Variants in ERBB4 observed in about 807,000 individuals in gnomAD.
The protein encoded by ERBB4 is receptor tyrosine-protein kinase erbB-4.
Under a neutral mutation model 158.0 loss-of-function variants are expected in ERBB4, and 42 were observed. The observed-to-expected ratio is 0.27, with a 90% CI of 0.21 to 0.34. The LOEUF (loss-of-function observed/expected upper bound fraction) is 0.34, where lower values mean the gene tolerates loss of function less well. Among genes scored for constraint, ERBB4 ranks in the 10% least tolerant of loss-of-function variants. ERBB4 has a pLI of 1.00. For missense variants in ERBB4, 1,333 were observed against 1,624.1 expected (o/e 0.82, Z 3.08); for synonymous variants, 583 against 558.7 (o/e 1.04, Z -0.61).
chr2:212,331,056 T>TTTTATATATATATATA lies in ERBB4; in HGVS notation c.83-206154_83-206153insTATATATATATATAAA, dbSNP rs1195085255. On this transcript the variant is annotated intron_variant, in intron 1 of 27. Coordinates refer to ENST00000342788, the MANE Select transcript of ERBB4 (RefSeq NM_005235.3). ...TCAGTAAGTTTCCCATATTTGTAAT[T>TTTTATATATATATATA]TGTATATATATATATACACATATAT... is the stretch of plus-strand genomic sequence containing the variant. Among the ~76,000 whole-genome samples the TTTTATATATATATATA allele has an allele frequency of 6.8e-3, 171 of 25,322 alleles. 2 individuals carry two copies. Among genetic ancestry groups the TTTTATATATATATATA allele is most frequent in the African/African-American group, 0.01 (163 of 15,736 alleles). 16.6% of individuals were successfully genotyped at this position (25,322 alleles called of 152,430 possible). A position where few individuals can be genotyped will look rare whatever the true frequency, so the allele number is the denominator to read the frequency against.
At chr2:212,476,087 C>T (rs1324471848) in intron 1 of ERBB4, among the ~76,000 whole-genome samples, 1 of 151,456 alleles carries the variant, frequency 6.6e-6, no homozygotes, top group Non-Finnish European at 1.5e-5. Flanking sequence ...AGTTACTTAG[C>T]CCCATAAATT....
intron 2 of ERBB4, among the ~76,000 whole-genome samples, chr2:212,096,392 G>C (rs2078934541): frequency 6.6e-6 from 1 of 152,132 alleles, no homozygotes; most frequent in Admixed American, 6.6e-5. Context: ...GATATCCTTA[G>C]AGAACTTGGT....
At position 212,077,147 on chromosome 2, in the gene ERBB4, G is replaced by T. The variant is rs147325756; in HGVS notation, c.234+47605C>A. ...TAAAATTATATATAAAACCAAGTTA[G>T]CAAAGATATGGGACAATGGGAAGAC... On this transcript the variant is annotated intron_variant, in intron 2 of 27. Transcript: ENST00000342788. Among the ~76,000 whole-genome samples, 94 of 152,076 alleles carry T rather than the reference G, an allele frequency of 6.2e-4. 1 individual carries two copies. In the East Asian group the frequency reaches 0.016, roughly 25 times the overall value.
chr2:212,115,307 A>G (rs1202153216), intron 2 of ERBB4, among the ~76,000 whole-genome samples: 1 of 152,102 alleles, frequency 6.6e-6, no homozygotes, highest in African/African-American at 2.4e-5. Context: ...GTCTCATGCA[A>G]AATTGTTCAT....
At chr2:212,186,344 C>T (rs947570529) in intron 1 of ERBB4, among the ~76,000 whole-genome samples, 1 of 152,150 alleles carries the variant, frequency 6.6e-6, no homozygotes, top group Non-Finnish European at 1.5e-5. Flanking sequence ...TGTGATTTAG[C>T]TAGTCAAGAG....
chr2:211,736,394 T>C (rs1278103523), intron 5 of ERBB4, among the ~76,000 whole-genome samples: 1 of 152,196 alleles, frequency 6.6e-6, no homozygotes. Context: ...TTTATTCCAA[T>C]GTATCTTATT....
At chr2:212,479,546 CCT>C (rs1256138341) in intron 1 of ERBB4, among the ~76,000 whole-genome samples, 1 of 151,840 alleles carries the variant, frequency 6.6e-6, no homozygotes, top group Non-Finnish European at 1.5e-5. Context: ...TCATTAAATT[CCT>C]CTCTCTCTCT....
intron 1 of ERBB4, among the ~76,000 whole-genome samples, chr2:212,228,324 T>C (rs1005191556): frequency 1.3e-5 from 2 of 152,182 alleles, no homozygotes; most frequent in African/African-American, 2.4e-5. Flanking sequence ...ACCTGAACTT[T>C]AGATGATTTG....
chr2:211,640,722 A>C (rs2070547824), intron 16 of ERBB4, among the ~76,000 whole-genome samples: 1 of 152,206 alleles, frequency 6.6e-6, no homozygotes, highest in South Asian at 2.1e-4. Context: ...AAAGATATGC[A>C]AGAAAATTAG....
chr2:211,591,160 C>A lies in ERBB4; in HGVS notation c.2301+28017G>T, dbSNP rs998133385. 5.3e-5 allele frequency among the ~76,000 whole-genome samples: 8 copies of A among 152,272 alleles called. No individual in the cohort carries two copies. In the South Asian group the frequency reaches 1.7e-3, roughly 32 times the overall value. ...ATACATATAACTGCAACCCTGGGAG[C>A]TAATTGGAGCATCATTATTTACTTA... On this transcript the variant is annotated intron_variant, in intron 19 of 27. Transcript: ENST00000342788.
intron 2 of ERBB4, among the ~76,000 whole-genome samples, chr2:211,990,328 A>G (rs944160243): frequency 1.3e-5 from 2 of 152,048 alleles, no homozygotes; most frequent in Non-Finnish European, 1.5e-5. Flanking sequence ...TGCCACTTCA[A>G]TGTACTTGTG....
intron 2 of ERBB4, among the ~76,000 whole-genome samples, chr2:211,950,628 T>A (rs1014300908): frequency 1.3e-5 from 2 of 151,804 alleles, no homozygotes; most frequent in African/African-American, 4.8e-5. Context: ...AAGAGTAGAA[T>A]CCTAATGGAG....
chr2:212,340,070 T>G (rs2088631825), intron 1 of ERBB4, among the ~76,000 whole-genome samples: 1 of 150,262 alleles, frequency 6.7e-6, no homozygotes, highest in South Asian at 2.1e-4. Context: ...TAAGACAAGG[T>G]CTCACTCTGG....
rs188782191 is a variant in ERBB4, at chr2:212,158,327, T to C, written c.83-33424A>G. ...TCTCACTAGCTACCAACTTGTGAAA[T>C]GCCCATCTCTTGACCTCACTGTTTC... On this transcript the variant is annotated intron_variant, in intron 1 of 27. Transcript: ENST00000342788. 5.9e-4 allele frequency among the ~76,000 whole-genome samples: 89 copies of C among 152,036 alleles called. 2 individuals carry two copies. In the East Asian group the frequency reaches 0.017, roughly 28 times the overall value.
chr2:212,321,931 A>C (rs865837744), intron 1 of ERBB4, among the ~76,000 whole-genome samples: 1 of 150,152 alleles, frequency 6.7e-6, no homozygotes, highest in African/African-American at 2.4e-5. Flanking sequence ...ACAGAGATGG[A>C]ATGTTGCCTT....
intron 16 of ERBB4, among the ~76,000 whole-genome samples, chr2:211,649,782 G>A (rs2070915737): frequency 6.6e-6 from 1 of 151,806 alleles, no homozygotes; most frequent in Non-Finnish European, 1.5e-5. Flanking sequence ...TTAGAGGTGA[G>A]GTTCCCTTTC....
chr2:211,542,540 A>G (rs1429596076), intron 20 of ERBB4, among the ~76,000 whole-genome samples: 1 of 151,980 alleles, frequency 6.6e-6, no homozygotes, highest in African/African-American at 2.4e-5. Flanking sequence ...ATGCTTCTCA[A>G]TGCACTTAAA....
intron 3 of ERBB4, among the ~76,000 whole-genome samples, chr2:211,911,079 C>A (rs2079529553): frequency 6.6e-6 from 1 of 152,140 alleles, no homozygotes; most frequent in Non-Finnish European, 1.5e-5. Flanking sequence ...GCTGTTTTCA[C>A]TAGTAAATGA....
intron 1 of ERBB4, among the ~76,000 whole-genome samples, chr2:212,487,335 T>A (rs1301064236): frequency 6.6e-6 from 1 of 152,032 alleles, no homozygotes; most frequent in East Asian, 1.9e-4. Flanking sequence ...TTAGAATAAA[T>A]AAAAAATAAC....
Sources: gnomAD v4.1 joint callset for allele counts (sites outside exome capture counted in the v4.1 genomes callset) on GRCh38, gnomAD v4.1.1 for gene constraint, MANE v1.5 for transcripts, NCBI Gene and HGNC (gene_info 2026-07-23, HGNC 2026-07-21) for gene names.